YEATS2: variants seen among roughly 807,000 people sequenced by gnomAD.
The protein encoded by YEATS2 is YEATS domain containing 2, also known as YEATS domain-containing protein 2.
A neutral mutation model predicts 163.2 loss-of-function variants in YEATS2; 77 were observed. That is an observed-to-expected ratio of 0.47 (90% CI 0.39 to 0.57). YEATS2 has a LOEUF of 0.57. Ranked by LOEUF, YEATS2 falls within the 20% of genes least tolerant of loss-of-function variation. The pLI, the probability that YEATS2 is intolerant of heterozygous loss-of-function variation, is 0.00. For synonymous variants in YEATS2, 631 were observed against 645.1 expected, an observed-to-expected ratio of 0.98 and a Z score of 0.33; for missense variants, 1,549 against 1,729.8, an observed-to-expected ratio of 0.90 and a Z score of 1.85.
intron 8 of YEATS2, 27 bp from the exon 9 acceptor site, chr3:183,747,645 A>T: frequency 1.2e-6 from 2 of 1,604,454 alleles, no homozygotes. Context: ...AGTGAAATTT[A>T]ACACTCTCCC....
intron 1 of YEATS2, among the ~76,000 whole-genome samples, chr3:183,701,020 G>A (rs1292399071): frequency 6.6e-6 from 1 of 151,080 alleles, no homozygotes; most frequent in African/African-American, 2.4e-5. Flanking sequence ...CCACTGAATT[G>A]CACTCTTTTA....
chr3:183,786,414 C>A, intron 20 of YEATS2, 113 bp downstream of exon 20: 1 of 828,020 alleles, frequency 1.2e-6, no homozygotes, highest in Non-Finnish European at 1.7e-6. Flanking sequence ...TCAACTATTG[C>A]TTTTTTTTTT....
At position 183,772,361 on chromosome 3, in the gene YEATS2, G is replaced by A. The variant is rs759562289; in HGVS notation, c.2004G>A (p.Ala668=). The change falls in exon 16 of 31, where the codon GCG becomes GCA. Residue 668 remains alanine, a synonymous_variant. Transcript: ENST00000305135. Reference sequence around the variant, plus strand: ...CTTCAACAGTGAAGCAGGCTGTGGCGATCAGTGGTGGCCAGATCCTGGTAG... The same window carrying A: ...CTTCAACAGTGAAGCAGGCTGTGGCAATCAGTGGTGGCCAGATCCTGGTAG... ...ALPSTVKQAV[A]ISGGQILVAK... is the part of the protein sequence containing the mutation. The A allele has an allele frequency of 3.1e-6, 5 of 1,614,076 alleles. No individual in the cohort carries two copies. The highest frequency in any genetic ancestry group is 1.7e-5 in the Admixed American group (1 of 59,996).
chr3:183,730,870 G>A (rs1560245549), intron 7 of YEATS2, among the ~76,000 whole-genome samples: 1 of 152,126 alleles, frequency 6.6e-6, no homozygotes, highest in Non-Finnish European at 1.5e-5. Context: ...TAGACTGTAA[G>A]CTGAGTAAGG....
chr3:183,789,416 C>T (rs1259529670), intron 20 of YEATS2, among the ~76,000 whole-genome samples: 3 of 151,728 alleles, frequency 2.0e-5, no homozygotes, highest in Middle Eastern at 3.4e-3. Flanking sequence ...TTTGATGTCA[C>T]ATCTGAGAAA....
chr3:183,806,829 C>T, intron 27 of YEATS2, 37 bp from the exon 28 acceptor site: 1 of 1,609,546 alleles, frequency 6.2e-7, no homozygotes, highest in South Asian at 1.1e-5. Flanking sequence ...TTCCGTTGGC[C>T]CCACAGCTGT....
intron 4 of YEATS2, among the ~76,000 whole-genome samples, chr3:183,719,065 A>G (rs549301680): frequency 2.0e-5 from 3 of 152,022 alleles, no homozygotes; most frequent in African/African-American, 4.8e-5. Flanking sequence ...TACATAGACT[A>G]TACATAGACT....
Position 183,811,303 on chromosome 3 carries a change from C to T in YEATS2, c.*720C>T, listed in dbSNP as rs1275908991. The T allele has an allele frequency of 6.6e-6, 1 of 152,650 alleles. No homozygotes were observed. The allele number at this position is 152,650 out of a possible 1,614,324, so 9.5% of individuals were successfully genotyped here. A position where few individuals can be genotyped will look rare whatever the true frequency, so the allele number is the denominator to read the frequency against. ...GAAAACTCACTATGCTAGGAATAGACTGTGTGCACCAGTCCCAGACACTTG... is the reference window on the plus strand; with the variant it reads ...GAAAACTCACTATGCTAGGAATAGATTGTGTGCACCAGTCCCAGACACTTG... On this transcript the variant is annotated 3_prime_UTR_variant, in exon 31 of 31. Coordinates refer to ENST00000305135, the MANE Select transcript of YEATS2 (RefSeq NM_018023.5).
rs371840357 is a variant in YEATS2, at chr3:183,762,171, G to T, written c.1839G>T (p.Pro613=). 1 of 1,614,102 alleles carries T rather than the reference G, an allele frequency of 6.2e-7. No homozygotes were observed. Among genetic ancestry groups the T allele is most frequent in the Non-Finnish European group, 8.5e-7 (1 of 1,180,014 alleles). The part of the protein sequence containing the change: ...ATGAASQSPL[P]QYVTVKGGHM... ...GAGCTGCCAGCCAGTCACCACTCCC[G>T]CAGTATGTGACTGTGAAAGGGGGTC... The change falls in exon 15 of 31, where the codon CCG becomes CCT. Residue 613 remains proline (P), a synonymous_variant. Transcript: ENST00000305135.
chr3:183,808,478 A>G (rs1392903086), intron 29 of YEATS2, among the ~76,000 whole-genome samples: 1 of 152,222 alleles, frequency 6.6e-6, no homozygotes, highest in African/African-American at 2.4e-5. Flanking sequence ...CTCCTTCCCC[A>G]GCCTGATCCT....
chr3:183,796,148 ATTTTTTTTTTT>A lies in YEATS2; in HGVS notation c.3098-1764_3098-1754del, dbSNP rs1176974770. 4.2e-5 allele frequency among the ~76,000 whole-genome samples: 4 copies of A among 96,060 alleles called. No individual in the cohort carries two copies. The Admixed American group carries it at 4.4e-4, about 11-fold the overall frequency. The allele number at this position is 96,060 out of a possible 152,430, so 63.0% of individuals were successfully genotyped here. On this transcript the variant is annotated intron_variant, in intron 21 of 30. Coordinates refer to ENST00000305135, the MANE Select transcript of YEATS2 (RefSeq NM_018023.5). ...CAGGCACCTGCCACCATGCCCGGCTATTTTTTTTTTTTTTTTTTTTTGTATTTTTAGTAGAG... is the reference window on the plus strand; with the variant it reads ...CAGGCACCTGCCACCATGCCCGGCTATTTTTTTTTTGTATTTTTAGTAGAG...
At chr3:183,764,097 C>T (rs935952849) in intron 15 of YEATS2, among the ~76,000 whole-genome samples, 6 of 151,894 alleles carry the variant, frequency 4.0e-5, no homozygotes, top group African/African-American at 9.7e-5. Context: ...AATGGCTGGG[C>T]ACGGTGGCTC....
chr3:183,795,831 ACT>A (rs1223119123), intron 21 of YEATS2, among the ~76,000 whole-genome samples: 1 of 152,134 alleles, frequency 6.6e-6, no homozygotes, highest in African/African-American at 2.4e-5. Context: ...TGGAAGTATT[ACT>A]ACCTGATGAT....
In YEATS2 at chr3:183,752,187, C is replaced by T; in HGVS notation, c.1084C>T (p.Pro362Ser). ...ATCTTTGCCTTTGACCATTCCAGCC[C>T]CAGTGAAAGCTTCTTCACCAATAAA... ...PPSLPLTIPA[P>S]VKASSPIKQS... is the part of the protein sequence containing the mutation. The change falls in exon 10 of 31, where the codon CCA becomes TCA. Residue 362 changes from proline (P) to serine (S), a missense_variant. Transcript: ENST00000305135. The T allele has an allele frequency of 6.2e-7, 1 of 1,614,086 alleles. No individual in the cohort carries two copies. Among genetic ancestry groups the T allele is most frequent in the Non-Finnish European group, 8.5e-7 (1 of 1,180,026 alleles).
chr3:183,754,334 G>A lies in YEATS2; in HGVS notation c.1359G>A (p.Gln453=). The A allele has an allele frequency of 6.2e-7, 1 of 1,613,946 alleles. No homozygotes were observed. ...PNPESPGKSF[Q]PITMSCKIVS... ...CTGAGTCACCTGGAAAATCCTTCCAGCCCATCACCATGAGCTGCAAGATTG... is the reference window on the plus strand; with the variant it reads ...CTGAGTCACCTGGAAAATCCTTCCAACCCATCACCATGAGCTGCAAGATTG... The change falls in exon 11 of 31, where the codon CAG becomes CAA. Residue 453 remains glutamine, a synonymous_variant. Coordinates refer to ENST00000305135, the MANE Select transcript of YEATS2 (RefSeq NM_018023.5).
intron 21 of YEATS2, among the ~76,000 whole-genome samples, chr3:183,795,071 G>A (rs1725008168): frequency 6.6e-6 from 1 of 151,236 alleles, no homozygotes; most frequent in African/African-American, 2.4e-5. Context: ...GGGAGGCTGA[G>A]ATGGGAGGAT....
intron 1 of YEATS2, among the ~76,000 whole-genome samples, chr3:183,712,360 C>T (rs1462933213): frequency 1.3e-5 from 2 of 151,596 alleles, no homozygotes; most frequent in Admixed American, 1.3e-4. Flanking sequence ...TGGCATGAGC[C>T]ACCATGCCCA....
chr3:183,743,312 A>C (rs1476177535), intron 8 of YEATS2, among the ~76,000 whole-genome samples: 1 of 152,084 alleles, frequency 6.6e-6, no homozygotes, highest in Non-Finnish European at 1.5e-5. Context: ...GGTTTTCTCA[A>C]ATATTTTTGC....
chr3:183,810,409 G>A, intron 30 of YEATS2, 66 bp from the exon 31 acceptor site: 1 of 1,423,228 alleles, frequency 7.0e-7, no homozygotes, highest in Non-Finnish European at 9.8e-7. Flanking sequence ...GATGAGTTAA[G>A]TGAATAAATG....
Sources: gnomAD v4.1 joint callset for allele counts (sites outside exome capture counted in the v4.1 genomes callset) on GRCh38, gnomAD v4.1.1 for gene constraint, MANE v1.5 for transcripts, NCBI Gene and HGNC (gene_info 2026-07-23, HGNC 2026-07-21) for gene names.